Variants in VAT1L observed in about 807,000 individuals in gnomAD.
VAT1L encodes the protein putative NADPH-dependent quinone oxidoreductase VAT1L.
Under a neutral mutation model 44.1 loss-of-function variants are expected in VAT1L, and 34 were observed. The ratio of observed to expected loss-of-function variants is 0.77; its 90% CI spans 0.59 to 1.03. The LOEUF (loss-of-function observed/expected upper bound fraction) is 1.03, where lower values mean the gene tolerates loss of function less well. VAT1L is among the 50% of genes least tolerant of loss of function. The pLI is 0.00. For synonymous variants in VAT1L, 253 were observed against 202.2 expected (o/e 1.25, Z -2.13); for missense variants, 615 against 538.8 (o/e 1.14, Z -1.40).
At chr16:77,949,580 CTAG>C (rs2018015202) in intron 7 of VAT1L, among the ~76,000 whole-genome samples, 2 of 152,118 alleles carry the variant, frequency 1.3e-5, no homozygotes, top group African/African-American at 4.8e-5. Flanking sequence ...AATTCTCATT[CTAG>C]TAGTTCCTGC....
At chr16:77,961,974 A>C (rs567789952) in intron 7 of VAT1L, among the ~76,000 whole-genome samples, 3 of 152,220 alleles carry the variant, frequency 2.0e-5, no homozygotes, top group South Asian at 2.1e-4. Flanking sequence ...TGGGAACCCC[A>C]TTCTGACTAG....
intron 1 of VAT1L, chr16:77,801,210 C>A (rs2016045305): frequency 6.6e-6 from 1 of 152,050 alleles, no homozygotes; most frequent in African/African-American, 2.4e-5. Context: ...TGATACCAAG[C>A]ATCCTACCCG....
intron 7 of VAT1L, among the ~76,000 whole-genome samples, chr16:77,917,090 A>C (rs544239447): frequency 8.5e-5 from 13 of 152,316 alleles, no homozygotes; most frequent in African/African-American, 3.1e-4. Context: ...CCCTTGGCCT[A>C]ATGGAGCCTC....
intron 2 of VAT1L, among the ~76,000 whole-genome samples, chr16:77,818,319 C>T (rs1283691182): frequency 6.6e-6 from 1 of 152,066 alleles, no homozygotes; most frequent in Non-Finnish European, 1.5e-5. Context: ...AATCTCATCC[C>T]ATTTATTAGT....
At chr16:77,916,899 T>C (rs1396099529) in intron 7 of VAT1L, among the ~76,000 whole-genome samples, 1 of 152,012 alleles carries the variant, frequency 6.6e-6, no homozygotes, top group Non-Finnish European at 1.5e-5. Context: ...TTAGTAGCGA[T>C]TGCACTCATG....
intron 7 of VAT1L, among the ~76,000 whole-genome samples, chr16:77,929,576 T>C (rs1431695789): frequency 6.6e-6 from 1 of 152,110 alleles, no homozygotes; most frequent in Non-Finnish European, 1.5e-5. Context: ...AGTCAACATA[T>C]CTCAAGACAC....
chr16:77,901,246 C>G (rs2017379963), intron 7 of VAT1L, among the ~76,000 whole-genome samples: 1 of 147,526 alleles, frequency 6.8e-6, no homozygotes, highest in Admixed American at 6.8e-5. Flanking sequence ...TCACTGCAAG[C>G]TCCGCCTCCT....
chr16:77,802,725 G>T (rs949162946), intron 1 of VAT1L, among the ~76,000 whole-genome samples: 1 of 151,494 alleles, frequency 6.6e-6, no homozygotes, highest in Non-Finnish European at 1.5e-5. Context: ...TTCTTTTCCT[G>T]TGTACATCCC....
At chr16:77,970,384 T>G (rs1279608017) in intron 7 of VAT1L, among the ~76,000 whole-genome samples, 1 of 152,240 alleles carries the variant, frequency 6.6e-6, no homozygotes, top group Non-Finnish European at 1.5e-5. Flanking sequence ...TGTTTTATCA[T>G]ATATCCATAG....
At chr16:77,880,083 G>A (rs1199321531) in intron 6 of VAT1L, among the ~76,000 whole-genome samples, 7 of 152,056 alleles carry the variant, frequency 4.6e-5, no homozygotes, top group Non-Finnish European at 1.0e-4. Flanking sequence ...GACATCCCTG[G>A]GCATTCACCT....
intron 4 of VAT1L, among the ~76,000 whole-genome samples, chr16:77,870,527 G>A (rs1249737111): frequency 6.6e-6 from 1 of 152,196 alleles, no homozygotes; most frequent in East Asian, 1.9e-4. Context: ...GGGCAAGAAG[G>A]AAAGAGGCAG....
At position 77,979,226 on chromosome 16, in the gene VAT1L, C is replaced by T. The variant is rs398765; in HGVS notation, c.*1531C>T. ...GATGATGAGTTATGTATGCCAAATA[C>T]TTATCTGAAGAGTTTCTCCTCATTG... On this transcript the variant is annotated 3_prime_UTR_variant, in exon 9 of 9. Transcript: ENST00000302536. 148,998 of 152,698 alleles carry T rather than the reference C, an allele frequency of 0.98. 72,799 individuals are homozygous for T. The highest frequency in any genetic ancestry group is 1 in the Middle Eastern group (294 of 294). 9.5% of individuals were successfully genotyped at this position (152,698 alleles called of 1,614,324 possible). A position where few individuals can be genotyped will look rare whatever the true frequency, so the allele number is the denominator to read the frequency against.
chr16:77,940,138 T>TA (rs1485956083), intron 7 of VAT1L, among the ~76,000 whole-genome samples: 7 of 152,170 alleles, frequency 4.6e-5, no homozygotes, highest in South Asian at 4.1e-4. Flanking sequence ...TGGCCAGTGA[T>TA]ACGCTAGTGA....
At position 77,788,764 on chromosome 16, in the gene VAT1L, G is replaced by A. The variant is rs1219436246; in HGVS notation, c.82G>A (p.Gly28Ser). The change falls in exon 1 of 9, where the codon GGC (glycine) becomes AGC (serine). Residue 28 changes from glycine (G) to serine (S), a missense_variant. Transcript: ENST00000302536. ...GGCAGGCAAGGAGCCGGCGGAGGGC[G>A]GCGGCGGCGACGGCTCGCACCGCCT... Reference protein sequence around the residue: ...KEAGKEPAEGGGGDGSHRLGD... With the variant: ...KEAGKEPAEGSGGDGSHRLGD... 6.4e-7 allele frequency: 1 copy of A among 1,562,770 alleles called. No homozygotes were observed. Among genetic ancestry groups the A allele is most frequent in the Non-Finnish European group, 8.7e-7 (1 of 1,153,584 alleles).
intron 1 of VAT1L, among the ~76,000 whole-genome samples, chr16:77,797,849 C>T (rs551506643): frequency 4.5e-4 from 68 of 152,234 alleles, no homozygotes; most frequent in African/African-American, 7.5e-4. Flanking sequence ...GAAAGGGTGG[C>T]GAGCATGTAA....
intron 7 of VAT1L, among the ~76,000 whole-genome samples, chr16:77,952,908 C>T (rs1357904601): frequency 6.8e-6 from 1 of 147,418 alleles, no homozygotes; most frequent in East Asian, 2.0e-4. Context: ...TGGAGAGTGT[C>T]CCCCTAAATC....
At chr16:77,956,478 T>C (rs1392401223) in intron 7 of VAT1L, among the ~76,000 whole-genome samples, 2 of 152,208 alleles carry the variant, frequency 1.3e-5, no homozygotes, top group Non-Finnish European at 2.9e-5. Context: ...GCACTTGTCA[T>C]ATGTCAGCTG....
At chr16:77,887,522 T>C (rs2017221036) in intron 7 of VAT1L, among the ~76,000 whole-genome samples, 1 of 152,204 alleles carries the variant, frequency 6.6e-6, no homozygotes, top group South Asian at 2.1e-4. Context: ...AAGGAGGGTC[T>C]GGCCAGGCAC....
chr16:77,819,761 C>A (rs1391487271), intron 2 of VAT1L, among the ~76,000 whole-genome samples: 1 of 152,216 alleles, frequency 6.6e-6, no homozygotes, highest in African/African-American at 2.4e-5. Context: ...AGTGGGACAG[C>A]CTCTCTTACC....
Sources: allele counts gnomAD v4.1 joint callset (sites outside exome capture counted in the v4.1 genomes callset), GRCh38; gene constraint gnomAD v4.1.1; transcripts MANE v1.5; gene names NCBI Gene and HGNC (gene_info 2026-07-23, HGNC 2026-07-21).